The following DOP1A variants were observed in gnomAD, a reference collection of about 807,000 sequenced individuals.
DOP1A encodes the protein DOP1 leucine zipper like protein A.
A neutral mutation model predicts 267.6 loss-of-function variants in DOP1A; 90 were observed. The ratio of observed to expected loss-of-function variants is 0.34; its 90% CI spans 0.28 to 0.40. DOP1A has a LOEUF of 0.40. DOP1A is among the 10% of genes least tolerant of loss of function. The pLI, the probability that DOP1A is intolerant of heterozygous loss-of-function variation, is 1.00. For synonymous variants in DOP1A, 932 were observed against 999.1 expected (o/e 0.93, Z 1.27); for missense variants, 2,437 against 2,900.4 (o/e 0.84, Z 3.67).
chr6:83,119,776 A>T lies in DOP1A; in HGVS notation c.909A>T (p.Gly303=). The change falls in exon 9 of 39, where the codon GGA becomes GGT. Residue 303 remains glycine, a synonymous_variant. Transcript: ENST00000349129. ...TTGATAACAACGGTGCTATCATAGG[A>T]CCCAGAAGCACAAGACACAGTAATC... ...LGFDNNGAII[G]PRSTRHSNPE... 1 of 1,612,980 alleles carries T rather than the reference A, an allele frequency of 6.2e-7. No individual in the cohort carries two copies. The highest frequency in any genetic ancestry group is 1.1e-5 in the South Asian group (1 of 91,002).
At chr6:83,103,163 G>T (rs1269118321) in intron 4 of DOP1A, among the ~76,000 whole-genome samples, 1 of 152,080 alleles carries the variant, frequency 6.6e-6, no homozygotes, top group East Asian at 1.9e-4. Flanking sequence ...TGGATAAAAA[G>T]GAATGAAATA....
intron 1 of DOP1A, among the ~76,000 whole-genome samples, chr6:83,073,663 C>T (rs1238245749): frequency 6.6e-6 from 1 of 152,182 alleles, no homozygotes; most frequent in Non-Finnish European, 1.5e-5. Context: ...AAAACAGTAT[C>T]TCACACAATT....
At chr6:83,116,460 T>C (rs182554455) in intron 7 of DOP1A, among the ~76,000 whole-genome samples, 37 of 152,302 alleles carry the variant, frequency 2.4e-4, no homozygotes, top group Admixed American at 1.9e-3. Flanking sequence ...TTTTTAGATA[T>C]TGGGAGAAAC....
chr6:83,165,177 G>A (rs1785165607), intron 38 of DOP1A: 1 of 153,702 alleles, frequency 6.5e-6, no homozygotes, highest in African/African-American at 2.4e-5. Context: ...TATGGTACCA[G>A]TAATTGAGTA....
In DOP1A at chr6:83,138,978, C is replaced by G. The variant is rs1311042766; in HGVS notation, c.4936C>G (p.Arg1646Gly). ...AGGCATGTTCCTCTGTGCAGTGATA[C>G]GAGCTTTGCATCAGCACTGTGCATG... ...CQGMFLCAVI[R>G]ALHQHCACKM... The change falls in exon 21 of 39, where the codon CGA becomes GGA. Residue 1646 changes from arginine (R) to glycine (G), a missense_variant. Transcript: ENST00000349129. 1 of 1,614,040 alleles carries G rather than the reference C, an allele frequency of 6.2e-7. No homozygotes were observed. Among genetic ancestry groups the G allele is most frequent in the African/African-American group, 1.3e-5 (1 of 75,024 alleles).
In DOP1A at chr6:83,138,981, G is replaced by A. The variant is rs1228541401; in HGVS notation, c.4939G>A (p.Ala1647Thr). 6.2e-7 allele frequency: 1 copy of A among 1,614,078 alleles called. No individual in the cohort carries two copies. The highest frequency in any genetic ancestry group is 8.5e-7 in the Non-Finnish European group (1 of 1,179,952). The change falls in exon 21 of 39, where the codon GCT (alanine) becomes ACT (threonine). Residue 1647 changes from alanine to threonine, a missense_variant. By Grantham distance (58) the Ala-to-Thr change is moderately conservative. Around this residue, in one of 9 missense-constraint regions of DOP1A, gnomAD observed 307 missense variants for 308.6 expected, o/e 0.99. Transcript: ENST00000349129. ...QGMFLCAVIRALHQHCACKMH... is the reference protein window; with the variant it reads ...QGMFLCAVIRTLHQHCACKMH... The stretch of plus-strand genomic sequence containing the variant: ...CATGTTCCTCTGTGCAGTGATACGA[G>A]CTTTGCATCAGCACTGTGCATGTAA...
Position 83,138,566 on chromosome 6 carries a change from G to A in DOP1A, c.4524G>A (p.Ala1508=), listed in dbSNP as rs757587179. The A allele has an allele frequency of 3.8e-5, 61 of 1,613,658 alleles. No individual in the cohort carries two copies. The highest frequency in any genetic ancestry group is 6.7e-5 in the East Asian group (3 of 44,874). The change falls in exon 21 of 39, where the codon GCG becomes GCA. Residue 1508 remains alanine (A), a synonymous_variant. Coordinates refer to ENST00000349129, the MANE Select transcript of DOP1A (RefSeq NM_015018.4). The stretch of plus-strand genomic sequence containing the variant: ...TGGCAAAAGTAATAGAAAGCTCAGC[G>A]AAGGGTTTCCCTAGTTTTATTTCTG... ...TELAKVIESS[A]KGFPSFISDM... is the part of the protein sequence containing the mutation.
intron 18 of DOP1A, among the ~76,000 whole-genome samples, chr6:83,133,054 TAAA>T (rs1354046528): frequency 6.6e-6 from 1 of 152,128 alleles, no homozygotes; most frequent in East Asian, 1.9e-4. Context: ...GGAATTGTGT[TAAA>T]TAAATGAAAC....
Position 83,149,357 on chromosome 6 carries a change from T to G in DOP1A, c.5837+494T>G, listed in dbSNP as rs117252337. Among the ~76,000 whole-genome samples, 378 of 152,330 alleles carry G rather than the reference T, an allele frequency of 2.5e-3. 8 individuals carry two copies. The East Asian group carries it at 0.026, about 11-fold the overall frequency. ...TGGGATGTCATAGTCAGTCTCTCTT[T>G]CTTGCTTGCCATTATTCTTGATTCC... is the stretch of plus-strand genomic sequence containing the variant. On this transcript the variant is annotated intron_variant, in intron 27 of 38. Coordinates refer to ENST00000349129, the MANE Select transcript of DOP1A (RefSeq NM_015018.4).
chr6:83,099,680 ATG>A (rs373165064), intron 3 of DOP1A, among the ~76,000 whole-genome samples: 2,253 of 138,294 alleles, frequency 0.016, 35 homozygotes, highest in African/African-American at 0.042. Context: ...AGGATTGCAT[ATG>A]TGTGTGTGTG....
intron 19 of DOP1A, 24 bp from the exon 20 acceptor site, chr6:83,135,595 T>G (rs1472305636): frequency 3.8e-6 from 6 of 1,592,964 alleles, no homozygotes; most frequent in Non-Finnish European, 5.1e-6. Flanking sequence ...GGTTCTTTAT[T>G]TTAATTATTT....
At position 83,097,039 on chromosome 6, in the gene DOP1A, T is replaced by G; in HGVS notation, c.62T>G (p.Ile21Ser). The G allele has an allele frequency of 6.2e-7, 1 of 1,614,084 alleles. No individual in the cohort carries two copies. The highest frequency in any genetic ancestry group is 8.5e-7 in the Non-Finnish European group (1 of 1,179,980). ...DSKYRNYVAA[I>S]DKALKNFEYS... ...AAATACAGAAACTATGTAGCAGCAATTGACAAAGCACTAAAGAATTTTGAA... is the reference window on the plus strand; with the variant it reads ...AAATACAGAAACTATGTAGCAGCAAGTGACAAAGCACTAAAGAATTTTGAA... The change falls in exon 3 of 39, where the codon ATT (isoleucine) becomes AGT (serine). Residue 21 changes from isoleucine (I) to serine (S), a missense_variant. Physicochemically the swap from Ile to Ser is moderately radical, Grantham distance 142. Transcript: ENST00000349129.
At chr6:83,121,107 T>C (rs1776303838) in intron 10 of DOP1A, among the ~76,000 whole-genome samples, 2 of 151,808 alleles carry the variant, frequency 1.3e-5, no homozygotes, top group Admixed American at 1.3e-4. Context: ...GTTCACAGAA[T>C]CCAAGGACTT....
intron 1 of DOP1A, among the ~76,000 whole-genome samples, chr6:83,084,729 C>T (rs1178204241): frequency 2.0e-5 from 3 of 151,616 alleles, no homozygotes; most frequent in African/African-American, 7.3e-5. Flanking sequence ...ATTACAGGCA[C>T]GCACCACCAC....
chr6:83,097,843 C>CTATTTTATTTTATTTTATTTTATTATTT (rs1562291690), intron 3 of DOP1A, among the ~76,000 whole-genome samples: 1 of 150,288 alleles, frequency 6.7e-6, no homozygotes, highest in Non-Finnish European at 1.5e-5. Context: ...ATAACTTATT[C>CTATTTTATTTTATTTTATTTTATTATTT]TATTTTATTT....
In DOP1A at chr6:83,071,709, A is replaced by G. The variant is rs556932437; in HGVS notation, c.-147+3930A>G. Among the ~76,000 whole-genome samples the G allele has an allele frequency of 2.6e-4, 40 of 152,344 alleles. 2 individuals carry two copies. The South Asian group carries it at 7.7e-3, about 29-fold the overall frequency. On this transcript the variant is annotated intron_variant, in intron 1 of 38. Transcript: ENST00000349129. ...GTGTACTACAATTACCTTAAAAAATATAGTAAAAAAAGTTACTTTAAAAAA... is the reference window on the plus strand; with the variant it reads ...GTGTACTACAATTACCTTAAAAAATGTAGTAAAAAAAGTTACTTTAAAAAA...
rs1425783299 is a variant in DOP1A at position 83,168,119 on chromosome 6, A to C, written c.7350A>C (p.Ile2450=). Residue 2450 remains isoleucine (I), a synonymous_variant, in exon 39 of 39, where the codon ATA becomes ATC. Coordinates refer to ENST00000349129, the MANE Select transcript of DOP1A (RefSeq NM_015018.4). ...KPCSSKARQK[I]EEMVEKDFLE... ...GTTCCAGCAAAGCCAGGCAAAAAAT[A>C]GAAGAGATGGTAGAAAAAGATTTTC... 6.2e-7 allele frequency: 1 copy of C among 1,613,888 alleles called. No individual in the cohort carries two copies. Among genetic ancestry groups the C allele is most frequent in the Non-Finnish European group, 8.5e-7 (1 of 1,180,006 alleles).
chr6:83,087,389 A>G (rs146131978), intron 1 of DOP1A, among the ~76,000 whole-genome samples: 1 of 152,226 alleles, frequency 6.6e-6, no homozygotes, highest in African/African-American at 2.4e-5. Flanking sequence ...TTTTTTCTCC[A>G]ATGTTTAGTT....
intron 19 of DOP1A, 29 bp downstream of exon 19, chr6:83,134,316 C>G: frequency 6.3e-7 from 1 of 1,580,478 alleles, no homozygotes; most frequent in African/African-American, 1.3e-5. Flanking sequence ...TAAGATTTCA[C>G]AGTCATATAT....
Sources: gnomAD v4.1 joint callset for allele counts (sites outside exome capture counted in the v4.1 genomes callset) on GRCh38, gnomAD v4.1.1 for gene constraint, gnomAD v4.1.1 regional missense constraint, MANE v1.5 for transcripts, NCBI Gene and HGNC (gene_info 2026-07-23, HGNC 2026-07-21) for gene names.